XRN1: variants seen among roughly 807,000 people sequenced by gnomAD.
XRN1 encodes strand-exchange protein 1 homolog.
Under a neutral mutation model 222.3 loss-of-function variants are expected in XRN1, and 67 were observed. The observed-to-expected ratio is 0.30, with a 90% confidence interval of 0.25 to 0.37. The LOEUF (loss-of-function observed/expected upper bound fraction) is 0.37, where lower values mean the gene tolerates loss of function less well. Among genes scored for constraint, XRN1 ranks in the 10% least tolerant of loss-of-function variants. The pLI is 1.00. For synonymous variants in XRN1, 643 were observed against 652.4 expected, an observed-to-expected ratio of 0.99 and a Z score of 0.22; for missense variants, 1,707 against 2,000.2, an observed-to-expected ratio of 0.85 and a Z score of 2.80.
chr3:142,339,802 C>T (rs1179621536), intron 33 of XRN1, among the ~76,000 whole-genome samples: 1 of 151,822 alleles, frequency 6.6e-6, no homozygotes, highest in African/African-American at 2.4e-5. Context: ...GCCTCAAAAA[C>T]AAAAACAAAA....
chr3:142,323,477 C>T (rs779400419), intron 37 of XRN1, among the ~76,000 whole-genome samples: 124 of 152,002 alleles, frequency 8.2e-4, no homozygotes, highest in African/African-American at 2.6e-3. Flanking sequence ...ATACCATGCC[C>T]GGCCCACTTT....
At chr3:142,362,227 T>C (rs1056303327) in intron 29 of XRN1, among the ~76,000 whole-genome samples, 14 of 152,124 alleles carry the variant, frequency 9.2e-5, no homozygotes, top group Non-Finnish European at 1.8e-4. Context: ...AACCTCTGCC[T>C]CCCAGGTTCA....
At chr3:142,419,547 C>A (rs187016905) in intron 10 of XRN1, among the ~76,000 whole-genome samples, 2 of 152,110 alleles carry the variant, frequency 1.3e-5, no homozygotes, top group Non-Finnish European at 2.9e-5. Flanking sequence ...CGGTGGCTCA[C>A]GCCTGTAATC....
At chr3:142,367,888 A>T (rs2066867888) in intron 27 of XRN1, among the ~76,000 whole-genome samples, 1 of 151,994 alleles carries the variant, frequency 6.6e-6, no homozygotes, top group Admixed American at 6.6e-5. Flanking sequence ...GATCTTCAGA[A>T]TTACAGTGTT....
chr3:142,416,126 C>T (rs998363709), intron 13 of XRN1, among the ~76,000 whole-genome samples: 3 of 151,980 alleles, frequency 2.0e-5, no homozygotes, highest in Non-Finnish European at 4.4e-5. Context: ...CTTCACCTTT[C>T]TAGCCCTTCC....
chr3:142,437,824 C>T (rs913453221), intron 1 of XRN1, among the ~76,000 whole-genome samples: 1 of 152,108 alleles, frequency 6.6e-6, no homozygotes, highest in Non-Finnish European at 1.5e-5. Flanking sequence ...TCAGAATATA[C>T]AACGAGCTCA....
intron 23 of XRN1, 69 bp downstream of exon 23, chr3:142,380,013 G>T: frequency 8.2e-7 from 1 of 1,220,026 alleles, no homozygotes; most frequent in South Asian, 1.6e-5. Flanking sequence ...CAAAGGAGGT[G>T]GCAAAAATAT....
chr3:142,339,796 CAAAAACAAAAACA>C (rs1446030210), intron 33 of XRN1, among the ~76,000 whole-genome samples: 3 of 152,028 alleles, frequency 2.0e-5, no homozygotes, highest in South Asian at 2.1e-4. Context: ...GACCCTGCCT[CAAAAACAAAAACA>C]AAAAACAAAA....
intron 22 of XRN1, 88 bp downstream of exon 22, chr3:142,383,212 A>G (rs1165490644): frequency 2.0e-6 from 2 of 1,023,974 alleles, no homozygotes; most frequent in African/African-American, 1.7e-5. Context: ...CTTCATTATT[A>G]TATTTTAATT....
chr3:142,362,587 AC>A (rs1192805803), intron 29 of XRN1, among the ~76,000 whole-genome samples: 1 of 42,456 alleles, frequency 2.4e-5, no homozygotes, highest in Non-Finnish European at 4.8e-5. Flanking sequence ...CGTCCCCCCT[AC>A]CCCCGCCCCC....
chr3:142,374,555 TA>T (rs1340282715), intron 25 of XRN1, among the ~76,000 whole-genome samples: 1 of 152,126 alleles, frequency 6.6e-6, no homozygotes, highest in African/African-American at 2.4e-5. Context: ...ACAGATTTAA[TA>T]AAAAATCTTC....
chr3:142,350,035 ATAAAG>A lies in XRN1; in HGVS notation c.3769-2698_3769-2694del, dbSNP rs1300747926. On this transcript the variant is annotated intron_variant, in intron 32 of 40. Coordinates refer to ENST00000392981, the MANE Select transcript of XRN1 (RefSeq NM_001282857.2). The stretch of plus-strand genomic sequence containing the variant: ...CAAATGGGAATCATCTGTGGGAAAG[ATAAAG>A]TAAAGAGACCAGTCTAACTAGAACA... 5.3e-5 allele frequency among the ~76,000 whole-genome samples: 8 copies of A among 152,318 alleles called. No individual in the cohort carries two copies. The South Asian group carries it at 8.3e-4, about 16-fold the overall frequency.
At position 142,307,042 on chromosome 3, in the gene XRN1, TACTC is replaced by T. The variant is rs1440296885; in HGVS notation, c.*4465_*4468del. The T allele has an allele frequency of 7.2e-5, 11 of 152,596 alleles. No homozygotes were observed. The highest frequency in any genetic ancestry group is 2.7e-4 in the African/African-American group (11 of 41,452). 9.5% of individuals were successfully genotyped at this position (152,596 alleles called of 1,614,324 possible). ...ACTTCAATGACAGCACAGCATCTAT[TACTC>T]ACATTAAACTAGATGAAAATACTCA... On this transcript the variant is annotated 3_prime_UTR_variant, in exon 41 of 41. Coordinates refer to ENST00000392981, the MANE Select transcript of XRN1 (RefSeq NM_001282857.2).
chr3:142,335,441 A>C lies in XRN1; in HGVS notation c.3939+7T>G, dbSNP rs2065825434. On this transcript the variant is annotated splice_region_variant and intron_variant, in intron 34 of 40. Coordinates refer to ENST00000392981, the MANE Select transcript of XRN1 (RefSeq NM_001282857.2). ...GTAACTAGAAATTTGATTTTAAGGA[A>C]GCTTACCTGCTTATTGGACATTTTT... 1.2e-6 allele frequency: 2 copies of C among 1,613,562 alleles called. No homozygotes were observed. Among genetic ancestry groups the C allele is most frequent in the Non-Finnish European group, 1.7e-6 (2 of 1,179,570 alleles).
At chr3:142,395,087 T>C (rs541210372) in intron 20 of XRN1, among the ~76,000 whole-genome samples, 5 of 152,320 alleles carry the variant, frequency 3.3e-5, no homozygotes, top group African/African-American at 1.2e-4. Context: ...ATAACTCCTA[T>C]TGTTAGAGCC....
intron 39 of XRN1, among the ~76,000 whole-genome samples, chr3:142,314,562 T>C (rs763186074): frequency 2.2e-4 from 34 of 152,106 alleles, no homozygotes; most frequent in Non-Finnish European, 4.1e-4. Flanking sequence ...ACTATTACAT[T>C]GAGCTATATA....
chr3:142,339,534 C>T (rs1425970105), intron 33 of XRN1, among the ~76,000 whole-genome samples: 1 of 152,232 alleles, frequency 6.6e-6, no homozygotes, highest in Admixed American at 6.5e-5. Flanking sequence ...CAAACATCAA[C>T]AAGCATCAAG....
intron 36 of XRN1, among the ~76,000 whole-genome samples, chr3:142,330,428 T>G (rs745394737): frequency 6.6e-6 from 1 of 152,120 alleles, no homozygotes; most frequent in Non-Finnish European, 1.5e-5. Flanking sequence ...ATTAACAAAC[T>G]CACTAATAGA....
intron 2 of XRN1, among the ~76,000 whole-genome samples, chr3:142,427,994 A>C (rs1484188181): frequency 6.6e-6 from 1 of 152,220 alleles, no homozygotes; most frequent in Non-Finnish European, 1.5e-5. Context: ...ACTTGTTTGT[A>C]TTATCTGCAA....
Sources: allele counts gnomAD v4.1 joint callset (sites outside exome capture counted in the v4.1 genomes callset), GRCh38; gene constraint gnomAD v4.1.1; transcripts MANE v1.5; gene names NCBI Gene and HGNC (gene_info 2026-07-23, HGNC 2026-07-21).